CYP2A7: variants seen among roughly 807,000 people sequenced by gnomAD.
The protein encoded by CYP2A7 is cytochrome P450 2A7.
CYP2A7 carries 36 observed loss-of-function variants against 42.0 expected under a neutral mutation model. The observed-to-expected ratio is 0.86, with a 90% CI of 0.66 to 1.13. The LOEUF (loss-of-function observed/expected upper bound fraction) is 1.13. Among genes scored for constraint, CYP2A7 ranks in the 50% most tolerant of loss-of-function variants. The pLI is 0.00. For synonymous variants in CYP2A7, 260 were observed against 249.5 expected (o/e 1.04, Z -0.40); for missense variants, 661 against 634.1 (o/e 1.04, Z -0.46).
rs749120749 is a variant in CYP2A7, at chr19:40,880,553, A to T, written c.419T>A (p.Val140Glu). The T allele has an allele frequency of 2.4e-5, 39 of 1,610,930 alleles. 1 individual carries two copies. The highest frequency in any genetic ancestry group is 3.0e-5 in the Non-Finnish European group (35 of 1,178,496). The change falls in exon 3 of 9, where the codon GTG becomes GAG. Residue 140 changes from valine to glutamate, a missense_variant. By Grantham distance (121) the Val-to-Glu change is moderately radical (BLOSUM62 -2). Coordinates refer to ENST00000301146, the MANE Select transcript of CYP2A7 (RefSeq NM_000764.3). ...GCGCTCCTCGATGCCTCGCTTGCCC[A>T]CCCCGAAGTCCCTCAGGGTGGCGAT... ...FAIATLRDFGVGKRGIEERIQ... is the reference protein window; with the variant it reads ...FAIATLRDFGEGKRGIEERIQ...
At position 40,877,245 on chromosome 19, in the gene CYP2A7, C is replaced by G. The variant is rs763228637; in HGVS notation, c.1106G>C (p.Ser369Thr). The G allele has an allele frequency of 1.2e-6, 2 of 1,612,704 alleles. No homozygotes were observed. The highest frequency in any genetic ancestry group is 2.7e-5 in the African/African-American group (2 of 74,826). Residue 369 changes from serine to threonine, a missense_variant, in exon 7 of 9, where the codon AGT (serine) becomes ACT (threonine). Coordinates refer to ENST00000301146, the MANE Select transcript of CYP2A7 (RefSeq NM_000764.3). ...IQRFGDVIPMSLARRVKKDTK... is the reference protein window; with the variant it reads ...IQRFGDVIPMTLARRVKKDTK... ...GTCCTTTTTAACCCTGCGGGCCAAA[C>G]TCATGGGGATCACGTCTCCAAATCT... is the stretch of plus-strand genomic sequence containing the variant.
intron 7 of CYP2A7, 73 bp from the exon 8 acceptor site, chr19:40,876,741 G>T: frequency 1.3e-6 from 2 of 1,536,238 alleles, no homozygotes; most frequent in Non-Finnish European, 1.8e-6. Context: ...GGGCTGGAGG[G>T]GGAACTAGTG....
intron 3 of CYP2A7, 88 bp downstream of exon 3, chr19:40,880,391 A>G: frequency 6.4e-7 from 1 of 1,563,854 alleles, no homozygotes; most frequent in South Asian, 1.2e-5. Flanking sequence ...TTCCCCACCT[A>G]GTCCCCATCC....
At chr19:40,879,472 C>G (rs1362238576) in intron 4 of CYP2A7, among the ~76,000 whole-genome samples, 1 of 151,774 alleles carries the variant, frequency 6.6e-6, no homozygotes, top group Non-Finnish European at 1.5e-5. Flanking sequence ...AAGTGCGATG[C>G]ACAGGGAGCA....
chr19:40,875,887 G>T lies in CYP2A7; in HGVS notation c.1304-13C>A. ...CAGTTCCGCTTTCCTGAGGAGGAGA[G>T]GCGGGAGGGGTGGAGGTGAAGCCCA... On this transcript the variant is annotated splice_polypyrimidine_tract_variant and intron_variant, in intron 8 of 8. Transcript: ENST00000301146. 6.6e-7 allele frequency: 1 copy of T among 1,509,654 alleles called. No individual in the cohort carries two copies. The highest frequency in any genetic ancestry group is 8.9e-7 in the Non-Finnish European group (1 of 1,123,258). The allele number at this position is 1,509,654 out of a possible 1,614,324, so 93.5% of individuals were successfully genotyped here.
At chr19:40,877,672 T>C (rs2145146848) in intron 6 of CYP2A7, among the ~76,000 whole-genome samples, 180 bp downstream of exon 6, 1 of 151,472 alleles carries the variant, frequency 6.6e-6, no homozygotes, top group South Asian at 2.1e-4. Flanking sequence ...TGCAGACATT[T>C]TCAATATTTT....
Position 40,880,797 on chromosome 19 carries a change from G to GA in CYP2A7, c.344-170_344-169insT, listed in dbSNP as rs1491239156. Among the ~76,000 whole-genome samples the GA allele has an allele frequency of 2.0e-3, 48 of 24,202 alleles. 12 individuals are homozygous for GA. The highest frequency in any genetic ancestry group is 2.9e-3 in the Non-Finnish European group (36 of 12,280). The allele number at this position is 24,202 out of a possible 152,430, so 15.9% of individuals were successfully genotyped here. ...TGCAAACTCAGTCAGAGAAACACGA[G>GA]GGAGAGAGAGAGAGAGAGAGAGAGA... On this transcript the variant is annotated intron_variant, in intron 2 of 8. Transcript: ENST00000301146.
chr19:40,877,525 C>T, intron 6 of CYP2A7, 148 bp from the exon 7 acceptor site: 1 of 1,289,334 alleles, frequency 7.8e-7, no homozygotes, highest in African/African-American at 1.5e-5. Flanking sequence ...CGGCCATTCG[C>T]ATTGTTGGAG....
chr19:40,881,835 C>A, intron 1 of CYP2A7, 84 bp from the exon 2 acceptor site: 2 of 1,565,576 alleles, frequency 1.3e-6, no homozygotes, highest in Non-Finnish European at 1.7e-6. Context: ...GTACTGGGAT[C>A]CTTCACCCCC....
In CYP2A7 at chr19:40,878,126, C is replaced by T. The variant is rs186325911; in HGVS notation, c.832-133G>A. 18 of 1,001,402 alleles carry T rather than the reference C, an allele frequency of 1.8e-5. 1 individual carries two copies. The highest frequency in any genetic ancestry group is 6.5e-5 in the African/African-American group (4 of 61,776). The allele number at this position is 1,001,402 out of a possible 1,614,324, so 62.0% of individuals were successfully genotyped here. ...AGAGGGACCCTAGATCTACCAGACTCGCTCTAGGTTCCAGCCCTTGCCCTG... is the reference window on the plus strand; with the variant it reads ...AGAGGGACCCTAGATCTACCAGACTTGCTCTAGGTTCCAGCCCTTGCCCTG... On this transcript the variant is annotated intron_variant, in intron 5 of 8. Coordinates refer to ENST00000301146, the MANE Select transcript of CYP2A7 (RefSeq NM_000764.3).
In CYP2A7 at chr19:40,877,749, C is replaced by T; in HGVS notation, c.973+103G>A. Reference sequence around the variant, plus strand: ...TGCCCTGTCTCTGGACAGCAAGGCACGTCTCAGGGTCCTGGGATCTGGGAC... The same window carrying T: ...TGCCCTGTCTCTGGACAGCAAGGCATGTCTCAGGGTCCTGGGATCTGGGAC... On this transcript the variant is annotated intron_variant, in intron 6 of 8. Transcript: ENST00000301146. The T allele has an allele frequency of 6.1e-6, 9 of 1,476,488 alleles. 1 individual carries two copies. The highest frequency in any genetic ancestry group is 5.4e-5 in the South Asian group (4 of 73,884). 91.5% of individuals were successfully genotyped at this position (1,476,488 alleles called of 1,614,324 possible). A position where few individuals can be genotyped will look rare whatever the true frequency, so the allele number is the denominator to read the frequency against.
At chr19:40,881,514 G>C in intron 2 of CYP2A7, 75 bp downstream of exon 2, 2 of 1,597,420 alleles carry the variant, frequency 1.3e-6, no homozygotes, top group South Asian at 2.3e-5. Flanking sequence ...GGGCAGGAGA[G>C]TCAGGGAGAA....
At position 40,877,061 on chromosome 19, in the gene CYP2A7, TG is replaced by T; in HGVS notation, c.1161+128del. On this transcript the variant is annotated intron_variant, in intron 7 of 8. Coordinates refer to ENST00000301146, the MANE Select transcript of CYP2A7 (RefSeq NM_000764.3). The stretch of plus-strand genomic sequence containing the variant: ...GGAAAGGTGGAATGGATGTGGTGGT[TG>T]GGGAAGTCCTTTTTGACTGATTGAG... 5.8e-6 allele frequency: 6 copies of T among 1,029,936 alleles called. 1 individual carries two copies. In the South Asian group the frequency reaches 9.2e-5, roughly 16 times the overall value. The allele number at this position is 1,029,936 out of a possible 1,614,324, so 63.8% of individuals were successfully genotyped here.
Position 40,876,668 on chromosome 19 carries a change from C to G in CYP2A7, c.1162G>C (p.Gly388Arg), listed in dbSNP as rs1333433753. Residue 388 changes from glycine (G) to arginine (R), a missense_variant and splice_region_variant, in exon 8 of 9, where the codon GGC (glycine) becomes CGC (arginine). By Grantham distance (125) the Gly-to-Arg change is moderately radical. Transcript: ENST00000301146. ...TKFRDFFLPK[G>R]TEVFPMLGSV... is the part of the protein sequence containing the mutation. ...CCCAGCATAGGGAACACTTCGGTGC[C>G]CTGGTAGGGAGGAGGAAGTTGTGTG... 2.5e-6 allele frequency: 4 copies of G among 1,610,698 alleles called. No homozygotes were observed. Among genetic ancestry groups the G allele is most frequent in the Non-Finnish European group, 3.4e-6 (4 of 1,177,926 alleles).
At chr19:40,878,038 T>C (rs1967576768) in intron 5 of CYP2A7, 45 bp from the exon 6 acceptor site, 2 of 1,580,170 alleles carry the variant, frequency 1.3e-6, no homozygotes, top group African/African-American at 2.7e-5. Context: ...CCTCTTGCCC[T>C]CAGGGCCCTT....
intron 4 of CYP2A7, 117 bp downstream of exon 4, chr19:40,879,967 T>C: frequency 6.6e-7 from 1 of 1,514,780 alleles, no homozygotes; most frequent in Middle Eastern, 1.9e-4. Flanking sequence ...TATCGGGGGC[T>C]GATTTTGAGG....
At chr19:40,876,405 T>C in intron 8 of CYP2A7, 122 bp downstream of exon 8, 1 of 1,525,834 alleles carries the variant, frequency 6.6e-7, no homozygotes, top group Admixed American at 1.7e-5. Flanking sequence ...GGCTCAAGGG[T>C]AGATTCTAAC....
In CYP2A7 at chr19:40,877,923, G is replaced by T. The variant is rs2545754; in HGVS notation, c.902C>A (p.Ala301Glu). 1.2e-6 allele frequency: 2 copies of T among 1,612,654 alleles called. No homozygotes were observed. Among genetic ancestry groups the T allele is most frequent in the African/African-American group, 1.3e-5 (1 of 74,984 alleles). Residue 301 changes from alanine (A) to glutamate (E), a missense_variant, in exon 6 of 9, where the codon GCA (alanine) becomes GAA (glutamate). Around this residue, in one of 3 missense-constraint regions of CYP2A7, gnomAD observed 614 missense variants for 552.4 expected, o/e 1.11. Coordinates refer to ENST00000301146, the MANE Select transcript of CYP2A7 (RefSeq NM_000764.3). ...GGTGGTGCTGACCGTCTCGGTGCCTGCAATGAAGAGGTTCAACGTGCTCAT... is the reference window on the plus strand; with the variant it reads ...GGTGGTGCTGACCGTCTCGGTGCCTTCAATGAAGAGGTTCAACGTGCTCAT... ...LMMSTLNLFI[A>E]GTETVSTTLR...
chr19:40,878,798 G>A lies in CYP2A7; in HGVS notation c.793C>T (p.Gln265Ter), dbSNP rs1599792588. 6.2e-7 allele frequency: 1 copy of A among 1,611,632 alleles called. No homozygotes were observed. The highest frequency in any genetic ancestry group is 8.5e-7 in the Non-Finnish European group (1 of 1,178,338). ...ATGAGAAAGGAGTCGATGAAGTCCT[G>A]TGGGGAATTGGGATCCAGCGTGCGC... is the stretch of plus-strand genomic sequence containing the variant. ...NQRTLDPNSP[Q>*]DFIDSFLIHM... The change falls in exon 5 of 9, where the codon CAG (glutamine) becomes TAG (stop). Residue 265 changes from glutamine to a stop codon, truncating the protein, a stop_gained. Transcript: ENST00000301146. LOFTEE classifies it high-confidence loss of function.
Sources: allele counts gnomAD v4.1 joint callset (sites outside exome capture counted in the v4.1 genomes callset), GRCh38; gene constraint gnomAD v4.1.1; regional missense constraint gnomAD v4.1.1; transcripts MANE v1.5; gene names NCBI Gene and HGNC (gene_info 2026-07-23, HGNC 2026-07-21).